TM9SF2: variants seen among roughly 807,000 people sequenced by gnomAD.
TM9SF2 encodes transmembrane 9 superfamily member 2, also known as 76 kDa membrane protein.
Under a neutral mutation model 84.9 loss-of-function variants are expected in TM9SF2, and 13 were observed. The ratio of observed to expected loss-of-function variants is 0.15; its 90% CI spans 0.10 to 0.24. The LOEUF (loss-of-function observed/expected upper bound fraction) is 0.24. TM9SF2 is among the 10% of genes least tolerant of loss of function. The probability of loss-of-function intolerance (pLI) is 1.00; values close to 1 mark genes in which losing one functional copy is unlikely to be tolerated. For missense variants in TM9SF2, 562 were observed against 818.5 expected (o/e 0.69, Z 3.82); for synonymous variants, 273 against 285.8 (o/e 0.96, Z 0.45).
Position 99,555,650 on chromosome 13 carries a change from A to G in TM9SF2, c.1752+3A>G, listed in dbSNP as rs1315528837. 2 of 1,595,836 alleles carry G rather than the reference A, an allele frequency of 1.3e-6. No homozygotes were observed. Among genetic ancestry groups the G allele is most frequent in the South Asian group, 1.1e-5 (1 of 90,544 alleles). The stretch of plus-strand genomic sequence containing the variant: ...GCTATTTCCACCTATGTGCAGAGGT[A>G]TGTATTAGCAGTATTCACTTATGTT... On this transcript the variant is annotated splice_donor_region_variant and intron_variant, in intron 15 of 16. Coordinates refer to ENST00000376387, the MANE Select transcript of TM9SF2 (RefSeq NM_004800.3).
intron 1 of TM9SF2, among the ~76,000 whole-genome samples, chr13:99,503,988 GT>G (rs576922395): frequency 3.3e-5 from 5 of 152,192 alleles, no homozygotes; most frequent in Non-Finnish European, 7.3e-5. Flanking sequence ...CTCACATCTG[GT>G]TAATGGAAAC....
chr13:99,517,467 A>G lies in TM9SF2; in HGVS notation c.172-147A>G, dbSNP rs73560212. 2.1e-3 allele frequency: 1,115 copies of G among 519,730 alleles called. 6 individuals carry two copies. The highest frequency in any genetic ancestry group is 0.02 in the African/African-American group (1,014 of 50,212). 32.2% of individuals were successfully genotyped at this position (519,730 alleles called of 1,614,324 possible). A position where few individuals can be genotyped will look rare whatever the true frequency, so the allele number is the denominator to read the frequency against. On this transcript the variant is annotated intron_variant, in intron 1 of 16. Coordinates refer to ENST00000376387, the MANE Select transcript of TM9SF2 (RefSeq NM_004800.3). ...AAATGTATATAAATCCAGTCAGTGA[A>G]TGGATTTGTAAGAGAATTGTTTAAA... is the stretch of plus-strand genomic sequence containing the variant.
chr13:99,546,845 A>T (rs532792340), intron 10 of TM9SF2, 140 bp from the exon 11 acceptor site: 1 of 1,156,310 alleles, frequency 8.6e-7, no homozygotes, highest in East Asian at 2.6e-5. Flanking sequence ...GATTGTGTAG[A>T]GCTGCATGGT....
chr13:99,509,987 C>T (rs1053234600), intron 1 of TM9SF2, among the ~76,000 whole-genome samples: 2 of 152,160 alleles, frequency 1.3e-5, no homozygotes, highest in African/African-American at 4.8e-5. Flanking sequence ...TTAGAAGCAG[C>T]CAGGTTACCT....
intron 12 of TM9SF2, among the ~76,000 whole-genome samples, chr13:99,549,615 G>A (rs1316421373): frequency 6.6e-6 from 1 of 152,082 alleles, no homozygotes; most frequent in Non-Finnish European, 1.5e-5. Context: ...ATTTTTTAGA[G>A]TTTATTCCAT....
At chr13:99,513,256 A>G (rs1407388897) in intron 1 of TM9SF2, among the ~76,000 whole-genome samples, 2 of 152,232 alleles carry the variant, frequency 1.3e-5, no homozygotes, top group African/African-American at 4.8e-5. Flanking sequence ...TCTCTATGAC[A>G]TGCCTTTTAA....
chr13:99,549,143 C>T, intron 11 of TM9SF2, 22 bp from the exon 12 acceptor site: 1 of 1,600,286 alleles, frequency 6.2e-7, no homozygotes, highest in South Asian at 1.1e-5. Context: ...TGTATTTATA[C>T]AACTTTTGTT....
intron 10 of TM9SF2, among the ~76,000 whole-genome samples, chr13:99,544,989 T>C (rs189219712): frequency 1.3e-5 from 2 of 152,274 alleles, no homozygotes; most frequent in African/African-American, 4.8e-5. Flanking sequence ...AATTGGAAGA[T>C]AAAAAAGGTT....
intron 16 of TM9SF2, among the ~76,000 whole-genome samples, chr13:99,561,131 C>A (rs2046343592): frequency 6.6e-6 from 1 of 152,146 alleles, no homozygotes; most frequent in Admixed American, 6.5e-5. Context: ...CTTTAGTGAA[C>A]AGGTGGAAGC....
chr13:99,507,480 T>C (rs1161209337), intron 1 of TM9SF2, among the ~76,000 whole-genome samples: 1 of 152,208 alleles, frequency 6.6e-6, no homozygotes, highest in Non-Finnish European at 1.5e-5. Context: ...AGTAGTCAGG[T>C]TTTATATTTA....
At chr13:99,556,615 G>A (rs7332236) in intron 15 of TM9SF2, among the ~76,000 whole-genome samples, 3,669 of 136,056 alleles carry the variant, frequency 0.027, 160 homozygotes, top group African/African-American at 0.096. Context: ...ACGGAGTCTC[G>A]CTCTGCTGCC....
chr13:99,516,373 CATGA>C (rs1483311973), intron 1 of TM9SF2, among the ~76,000 whole-genome samples: 2 of 152,328 alleles, frequency 1.3e-5, no homozygotes, highest in Non-Finnish European at 2.9e-5. Flanking sequence ...CCAGAAGCCT[CATGA>C]CTAGTCCAAA....
intron 1 of TM9SF2, among the ~76,000 whole-genome samples, chr13:99,516,585 G>C (rs1392910866): frequency 6.6e-6 from 1 of 152,144 alleles, no homozygotes; most frequent in African/African-American, 2.4e-5. Context: ...TAGGACTTCA[G>C]CTACACCTGG....
chr13:99,549,107 A>C (rs2046295449), intron 11 of TM9SF2, 58 bp from the exon 12 acceptor site: 1 of 1,459,604 alleles, frequency 6.9e-7, no homozygotes, highest in African/African-American at 1.4e-5. Context: ...TGTAATATGG[A>C]TATTTGGTTT....
At chr13:99,511,276 C>T (rs9517753) in intron 1 of TM9SF2, among the ~76,000 whole-genome samples, 4,936 of 151,936 alleles carry the variant, frequency 0.032, 112 homozygotes, top group Middle Eastern at 0.12. Context: ...TCATACTTGT[C>T]TTATTTGTGT....
At chr13:99,544,129 A>G (rs1303950344) in intron 10 of TM9SF2, 134 bp downstream of exon 10, 1 of 930,306 alleles carries the variant, frequency 1.1e-6, no homozygotes, top group East Asian at 2.6e-5. Flanking sequence ...AGGCGGGTGG[A>G]TGACAAGGTC....
At position 99,562,986 on chromosome 13, in the gene TM9SF2, C is replaced by A; in HGVS notation, c.*228C>A. The A allele has an allele frequency of 2.5e-6, 1 of 396,328 alleles. No homozygotes were observed. Among genetic ancestry groups the A allele is most frequent in the Non-Finnish European group, 4.5e-6 (1 of 222,988 alleles). The allele number at this position is 396,328 out of a possible 1,614,324, so 24.6% of individuals were successfully genotyped here. On this transcript the variant is annotated 3_prime_UTR_variant, in exon 17 of 17. Transcript: ENST00000376387. ...TTGATTAAGTATATATTTGGTTGTT[C>A]TCAATGAAGAGCAAATTTAAATATT... is the stretch of plus-strand genomic sequence containing the variant.
intron 11 of TM9SF2, among the ~76,000 whole-genome samples, chr13:99,547,533 G>A (rs1443483068): frequency 6.6e-6 from 1 of 152,074 alleles, no homozygotes; most frequent in African/African-American, 2.4e-5. Context: ...TACTTACATT[G>A]TATCAATTTA....
At chr13:99,535,819 GGGCCACATGCTTGGA>G (rs1395556437) in intron 4 of TM9SF2, among the ~76,000 whole-genome samples, 1 of 152,086 alleles carries the variant, frequency 6.6e-6, no homozygotes, top group Non-Finnish European at 1.5e-5. Flanking sequence ...TGGGCGCAGG[GGGCCACATGCTTGGA>G]CTGTAATGTA....
Sources: allele counts gnomAD v4.1 joint callset (sites outside exome capture counted in the v4.1 genomes callset), GRCh38; gene constraint gnomAD v4.1.1; transcripts MANE v1.5; gene names NCBI Gene and HGNC (gene_info 2026-07-23, HGNC 2026-07-21).